COL5A1: variants seen among roughly 807,000 people sequenced by gnomAD.
COL5A1 encodes the protein collagen alpha-1(V) chain.
In COL5A1, 16 loss-of-function variants were observed where a neutral mutation model predicts 263.7. That is an observed-to-expected ratio of 0.06 (90% CI 0.04 to 0.09). COL5A1 has a LOEUF of 0.09. Among genes scored for constraint, COL5A1 ranks in the 10% least tolerant of loss-of-function variants. COL5A1 has a pLI of 1.00. For missense variants in COL5A1, 2,036 were observed against 2,540.5 expected, an observed-to-expected ratio of 0.80 and a Z score of 4.27; for synonymous variants, 1,012 against 1,004.5, an observed-to-expected ratio of 1.01 and a Z score of -0.14.
chr9:134,794,109 C>T lies in COL5A1; in HGVS notation c.2701-973C>T, dbSNP rs937219001. Reference sequence around the variant, plus strand: ...TTGGGAGGCTGAGGCGGGTGAATCACGAGGTCAAGAGATCGAGACCATCCT... The same window carrying T: ...TTGGGAGGCTGAGGCGGGTGAATCATGAGGTCAAGAGATCGAGACCATCCT... On this transcript the variant is annotated intron_variant, in intron 32 of 65. Coordinates refer to ENST00000371817, the MANE Select transcript of COL5A1 (RefSeq NM_000093.5). The surrounding 1 kb of genome is among the most constrained non-coding windows in gnomAD (Gnocchi z 4.3). Among the ~76,000 whole-genome samples the T allele has an allele frequency of 2.6e-5, 4 of 152,118 alleles. No homozygotes were observed. Among genetic ancestry groups the T allele is most frequent in the South Asian group, 2.1e-4 (1 of 4,824 alleles).
intron 1 of COL5A1, among the ~76,000 whole-genome samples, chr9:134,650,499 C>T (rs1045452945): frequency 3.3e-5 from 5 of 152,236 alleles, no homozygotes; most frequent in Admixed American, 1.3e-4. Flanking sequence ...GAGCGATAGG[C>T]GAGCCGTCTG....
chr9:134,740,547 A>G (rs959029941), intron 11 of COL5A1, among the ~76,000 whole-genome samples: 3 of 152,240 alleles, frequency 2.0e-5, no homozygotes, highest in Non-Finnish European at 2.9e-5. Flanking sequence ...GGGCACCCAG[A>G]TGCTGACTGA....
chr9:134,727,916 C>T (rs144293913), intron 5 of COL5A1, among the ~76,000 whole-genome samples: 2,201 of 152,330 alleles, frequency 0.014, 18 homozygotes, highest in Middle Eastern at 0.024. Flanking sequence ...CTCCCCCTCC[C>T]GCTGCACACC....
At chr9:134,775,689 G>A (rs1837029003) in intron 27 of COL5A1, among the ~76,000 whole-genome samples, 1 of 152,182 alleles carries the variant, frequency 6.6e-6, no homozygotes, top group Admixed American at 6.5e-5. Context: ...GGGACTTGCG[G>A]TATCTTAAAG....
intron 19 of COL5A1, among the ~76,000 whole-genome samples, chr9:134,763,049 A>G (rs1331757998): frequency 2.0e-5 from 3 of 152,114 alleles, no homozygotes; most frequent in Non-Finnish European, 2.9e-5. Context: ...GTGCACAAGC[A>G]TGTGAGCATG....
chr9:134,784,010 T>A (rs1837360894), intron 29 of COL5A1, among the ~76,000 whole-genome samples: 1 of 152,196 alleles, frequency 6.6e-6, no homozygotes, highest in African/African-American at 2.4e-5. Context: ...AGTGGAGCTC[T>A]CGTTGCCATG....
chr9:134,779,193 G>C (rs536929044), intron 27 of COL5A1, among the ~76,000 whole-genome samples: 21 of 152,376 alleles, frequency 1.4e-4, no homozygotes, highest in African/African-American at 4.1e-4. Flanking sequence ...CCCACGGGCA[G>C]GTGGCCTGAG....
intron 25 of COL5A1, among the ~76,000 whole-genome samples, chr9:134,768,869 G>A (rs1190834946): frequency 1.3e-5 from 2 of 152,192 alleles, no homozygotes; most frequent in Non-Finnish European, 2.9e-5. Context: ...GGGAGGTGGT[G>A]AGCAAACGCG....
chr9:134,678,941 G>A lies in COL5A1; in HGVS notation c.110-11971G>A, dbSNP rs192491041. Among the ~76,000 whole-genome samples, 92 of 152,282 alleles carry A rather than the reference G, an allele frequency of 6.0e-4. No individual in the cohort carries two copies. Among genetic ancestry groups the A allele is most frequent in the African/African-American group, 2.0e-3 (83 of 41,568 alleles). On this transcript the variant is annotated intron_variant, in intron 1 of 65. Transcript: ENST00000371817. This position sits in a 1 kb window ranked among gnomAD's most constrained non-coding sequence, Gnocchi z 5.5. ...TTAGATCTGTGCAGGGTGAGGCTCC[G>A]AGGCTTGCTGGGTCAGTCCCATTCA...
At chr9:134,728,877 A>G (rs1834756729) in intron 6 of COL5A1, 70 bp downstream of exon 6, 2 of 1,598,142 alleles carry the variant, frequency 1.3e-6, no homozygotes, top group Admixed American at 3.3e-5. Flanking sequence ...GGGCGAGGCC[A>G]GGAGAGGTTG....
Position 134,691,045 on chromosome 9 carries a change from G to A in COL5A1, c.243G>A (p.Ala81=), listed in dbSNP as rs540291731. The change falls in exon 2 of 66, where the codon GCG becomes GCA. Residue 81 remains alanine, a synonymous_variant. Coordinates refer to ENST00000371817, the MANE Select transcript of COL5A1 (RefSeq NM_000093.5). The part of the protein sequence containing the change: ...PDVAYRVTKD[A]QLSAPTKQLY... ...TCGCTTACAGAGTCACCAAAGACGC[G>A]CAGCTCAGCGCACCCACCAAGCAGC... 16 of 1,613,520 alleles carry A rather than the reference G, an allele frequency of 9.9e-6. No individual in the cohort carries two copies. Among genetic ancestry groups the A allele is most frequent in the African/African-American group, 5.3e-5 (4 of 75,062 alleles).
chr9:134,692,838 T>C (rs1295496867), intron 2 of COL5A1, among the ~76,000 whole-genome samples: 3 of 152,164 alleles, frequency 2.0e-5, no homozygotes, highest in Non-Finnish European at 2.9e-5. Flanking sequence ...TTTGGGAGGC[T>C]GAGGCAGGCG....
chr9:134,699,798 C>T (rs894085579), intron 2 of COL5A1, 111 bp from the exon 3 acceptor site: 28 of 1,034,634 alleles, frequency 2.7e-5, no homozygotes, highest in African/African-American at 2.7e-4. Flanking sequence ...TGCCCCACGA[C>T]GGGCAGCACA....
Position 134,841,317 on chromosome 9 carries a change from C to G in COL5A1, c.5371-840C>G, listed in dbSNP as rs1018912434. Among the ~76,000 whole-genome samples the G allele has an allele frequency of 6.6e-6, 1 of 152,196 alleles. No individual in the cohort carries two copies. ...AGTTGACGGGACAGCAGGGCCAGCT[C>G]AGCCTCAGTTATAAAGAACACTGGG... On this transcript the variant is annotated intron_variant, in intron 65 of 65. Coordinates refer to ENST00000371817, the MANE Select transcript of COL5A1 (RefSeq NM_000093.5). This position sits in a 1 kb window ranked among gnomAD's most constrained non-coding sequence, Gnocchi z 4.8.
At chr9:134,738,657 C>T (rs1835190435) in intron 10 of COL5A1, 89 bp from the exon 11 acceptor site, 3 of 1,472,774 alleles carry the variant, frequency 2.0e-6, no homozygotes, top group Admixed American at 1.7e-5. Context: ...CTATCCCACC[C>T]CCACCTCTGC....
intron 11 of COL5A1, among the ~76,000 whole-genome samples, chr9:134,748,402 C>T (rs901370294): frequency 2.0e-5 from 3 of 152,200 alleles, no homozygotes; most frequent in Non-Finnish European, 2.9e-5. Context: ...CATACACTTA[C>T]ATCCACACAT....
At chr9:134,829,215 G>A (rs1231968947) in intron 63 of COL5A1, among the ~76,000 whole-genome samples, 1 of 152,234 alleles carries the variant, frequency 6.6e-6, no homozygotes, top group Admixed American at 6.5e-5. Context: ...CATGCAAAAC[G>A]AGAGGCAGAG....
intron 4 of COL5A1, among the ~76,000 whole-genome samples, chr9:134,726,828 GTGGACAGATGGAAGGA>G (rs1224841271): frequency 1.3e-5 from 2 of 150,618 alleles, no homozygotes; most frequent in African/African-American, 4.9e-5. Context: ...GAGTGAATGA[GTGGACAGATGGAAGGA>G]TGGATAGATG....
chr9:134,691,395 A>G (rs1469199767), intron 2 of COL5A1, among the ~76,000 whole-genome samples: 1 of 152,186 alleles, frequency 6.6e-6, no homozygotes, highest in Non-Finnish European at 1.5e-5. Context: ...AAGGGCAGAA[A>G]GAGTCGGATG....
Sources: allele counts gnomAD v4.1 joint callset (sites outside exome capture counted in the v4.1 genomes callset), GRCh38; gene constraint gnomAD v4.1.1; non-coding constraint Gnocchi (gnomAD v3.1); transcripts MANE v1.5; gene names NCBI Gene and HGNC (gene_info 2026-07-23, HGNC 2026-07-21).